The following TPD52L1 variants were observed in gnomAD, a reference collection of about 807,000 sequenced individuals.
TPD52L1 encodes the protein tumor protein D53.
In TPD52L1, 18 loss-of-function variants were observed where a neutral mutation model predicts 28.7. That is an observed-to-expected ratio of 0.63 (90% CI 0.43 to 0.93). The LOEUF (loss-of-function observed/expected upper bound fraction) is 0.93. Ranked by LOEUF, TPD52L1 falls within the 40% of genes least tolerant of loss-of-function variation. The pLI is 0.00. For missense variants in TPD52L1, 203 were observed against 254.8 expected, an observed-to-expected ratio of 0.80 and a Z score of 1.39; for synonymous variants, 75 against 88.8, an observed-to-expected ratio of 0.84 and a Z score of 0.88.
At chr6:125,172,535 T>TATATATATATATAAA (rs1791515381) in intron 1 of TPD52L1, among the ~76,000 whole-genome samples, 1 of 98,150 alleles carries the variant, frequency 1.0e-5, no homozygotes, top group African/African-American at 4.5e-5. Flanking sequence ...TATATATATA[T>TATATATATATATAAA]ATATATATAT....
rs1360808075 is a variant in TPD52L1 at position 125,192,320 on chromosome 6, TC to T, written c.20-27757del. The stretch of plus-strand genomic sequence containing the variant: ...ATTTTGAGAACAACAACAAAAAAAA[TC>T]TTTTTTTTTTTTTTATCTGGTGTTG... On this transcript the variant is annotated intron_variant, in intron 1 of 6. Transcript: ENST00000534000. Among the ~76,000 whole-genome samples the T allele has an allele frequency of 8.8e-3, 1,239 of 140,344 alleles. 23 individuals are homozygous for T. Among genetic ancestry groups the T allele is most frequent in the African/African-American group, 0.029 (1,161 of 40,560 alleles). 92.1% of individuals were successfully genotyped at this position (140,344 alleles called of 152,430 possible). A position where few individuals can be genotyped will look rare whatever the true frequency, so the allele number is the denominator to read the frequency against.
chr6:125,262,967 A>G lies in TPD52L1; in HGVS notation c.*5A>G. The G allele has an allele frequency of 3.7e-6, 6 of 1,612,140 alleles. No homozygotes were observed. The highest frequency in any genetic ancestry group is 5.1e-6 in the Non-Finnish European group (6 of 1,179,188). ...GAGGAGGAGCTGCAGTGCTAAGTCC[A>G]GCCAGCGTGCAGCTGCATCCAGAAA... is the stretch of plus-strand genomic sequence containing the variant. On this transcript the variant is annotated 3_prime_UTR_variant, in exon 7 of 7. Transcript: ENST00000534000.
intron 2 of TPD52L1, among the ~76,000 whole-genome samples, chr6:125,226,160 T>G (rs182892409): frequency 2.6e-4 from 40 of 152,336 alleles, no homozygotes; most frequent in African/African-American, 9.4e-4. Flanking sequence ...CTCTGATAAA[T>G]ATTCTGAACG....
At chr6:125,166,944 C>G (rs115500883) in intron 1 of TPD52L1, among the ~76,000 whole-genome samples, 1,660 of 152,126 alleles carry the variant, frequency 0.011, 26 homozygotes, top group African/African-American at 0.038. Context: ...TTCGGGAACT[C>G]AAATGCCTTC....
At chr6:125,204,701 G>C (rs1374142769) in intron 1 of TPD52L1, among the ~76,000 whole-genome samples, 1 of 152,068 alleles carries the variant, frequency 6.6e-6, no homozygotes, top group African/African-American at 2.4e-5. Flanking sequence ...GGATGGTCTC[G>C]ATCTCCTGAC....
intron 1 of TPD52L1, among the ~76,000 whole-genome samples, chr6:125,172,303 T>G (rs1192330976): frequency 7.0e-6 from 1 of 142,596 alleles, no homozygotes; most frequent in South Asian, 2.2e-4. Context: ...CTTTCCTTTT[T>G]CTTTCTTTCT....
chr6:125,179,804 G>A (rs1792066638), intron 1 of TPD52L1, among the ~76,000 whole-genome samples: 1 of 152,086 alleles, frequency 6.6e-6, no homozygotes. Context: ...TCTCTTTATA[G>A]ATGGAAATGT....
At chr6:125,217,708 C>A (rs1464327667) in intron 1 of TPD52L1, among the ~76,000 whole-genome samples, 2 of 152,244 alleles carry the variant, frequency 1.3e-5, no homozygotes, top group East Asian at 1.9e-4. Context: ...ATCCTCCATT[C>A]CTTTCTCCTT....
At chr6:125,258,323 C>CA in intron 6 of TPD52L1, among the ~76,000 whole-genome samples, 1 of 152,276 alleles carries the variant, frequency 6.6e-6, no homozygotes, top group South Asian at 2.1e-4. Context: ...ATGCCAACAT[C>CA]ATCGCTTATT....
intron 1 of TPD52L1, among the ~76,000 whole-genome samples, chr6:125,208,275 T>C (rs995705988): frequency 2.0e-5 from 3 of 152,214 alleles, no homozygotes; most frequent in African/African-American, 7.2e-5. Flanking sequence ...AGCAATTCTT[T>C]ATCCATGTTA....
intron 1 of TPD52L1, among the ~76,000 whole-genome samples, chr6:125,172,098 CCCTTTCTTTCTTT>C: frequency 2.6e-5 from 2 of 77,482 alleles, no homozygotes; most frequent in South Asian, 8.3e-4. Context: ...TTCTTTCTTT[CCCTTTCTTTCTTT>C]CTTTCTTTCT....
chr6:125,210,681 A>AT (rs1794437416), intron 1 of TPD52L1, among the ~76,000 whole-genome samples: 1 of 152,224 alleles, frequency 6.6e-6, no homozygotes, highest in African/African-American at 2.4e-5. Flanking sequence ...TAGGGCTTCA[A>AT]TTTTATAAAT....
intron 5 of TPD52L1, among the ~76,000 whole-genome samples, chr6:125,254,309 A>G (rs1370252412): frequency 6.6e-6 from 1 of 152,244 alleles, no homozygotes; most frequent in Non-Finnish European, 1.5e-5. Flanking sequence ...CTTAACTTCA[A>G]GTTTGCATGG....
chr6:125,254,675 G>A (rs969264847), intron 5 of TPD52L1, among the ~76,000 whole-genome samples: 4 of 152,142 alleles, frequency 2.6e-5, no homozygotes, highest in African/African-American at 9.7e-5. Context: ...GTTTGAGACC[G>A]CCGAAGCCAA....
At chr6:125,158,425 C>T (rs939692465) in intron 1 of TPD52L1, among the ~76,000 whole-genome samples, 2 of 152,220 alleles carry the variant, frequency 1.3e-5, no homozygotes, top group Admixed American at 1.3e-4. Flanking sequence ...TTATACTTTA[C>T]ATTATACTTT....
At chr6:125,224,734 G>A (rs1308549843) in intron 2 of TPD52L1, among the ~76,000 whole-genome samples, 2 of 152,264 alleles carry the variant, frequency 1.3e-5, no homozygotes, top group African/African-American at 4.8e-5. Flanking sequence ...TATGAAAATA[G>A]TTTTCCTTCT....
At position 125,253,599 on chromosome 6, in the gene TPD52L1, G is replaced by A. The variant is rs369428340; in HGVS notation, c.387-118G>A. ...ATGTCATCTTGGTTAGATGGGCAGG[G>A]AATATTTCAGATATTTGGAATTGCT... On this transcript the variant is annotated intron_variant, in intron 4 of 6. Coordinates refer to ENST00000534000, the MANE Select transcript of TPD52L1 (RefSeq NM_003287.4). 396 of 905,944 alleles carry A rather than the reference G, an allele frequency of 4.4e-4. 7 individuals carry two copies. In the South Asian group the frequency reaches 5.6e-3, roughly 13 times the overall value. 56.1% of individuals were successfully genotyped at this position (905,944 alleles called of 1,614,324 possible).
intron 1 of TPD52L1, among the ~76,000 whole-genome samples, chr6:125,174,352 T>A (rs1791695372): frequency 6.6e-6 from 1 of 152,210 alleles, no homozygotes; most frequent in African/African-American, 2.4e-5. Context: ...TGCATTCTTT[T>A]ACCCAAAAAT....
intron 1 of TPD52L1, among the ~76,000 whole-genome samples, chr6:125,172,386 C>T (rs945698603): frequency 6.4e-5 from 9 of 141,024 alleles, no homozygotes; most frequent in Non-Finnish European, 9.1e-5. Flanking sequence ...CTTCTGGCCT[C>T]ATATGATCCT....
Sources: allele counts gnomAD v4.1 joint callset (sites outside exome capture counted in the v4.1 genomes callset), GRCh38; gene constraint gnomAD v4.1.1; transcripts MANE v1.5; gene names NCBI Gene and HGNC (gene_info 2026-07-23, HGNC 2026-07-21).